PDZRN3: variants seen among roughly 807,000 people sequenced by gnomAD.
PDZRN3 encodes PDZ domain containing ring finger 3.
PDZRN3 carries 38 observed loss-of-function variants against 85.7 expected under a neutral mutation model. That is an observed-to-expected ratio of 0.44 (90% CI 0.34 to 0.58). The LOEUF is 0.58. Among genes scored for constraint, PDZRN3 ranks in the 20% least tolerant of loss-of-function variants. The pLI, the probability that PDZRN3 is intolerant of heterozygous loss-of-function variation, is 0.01. For synonymous variants in PDZRN3, 759 were observed against 638.0 expected (o/e 1.19, Z -2.86); for missense variants, 1,629 against 1,506.4 (o/e 1.08, Z -1.35).
chr3:73,513,480 T>C (rs1273114878), intron 3 of PDZRN3, among the ~76,000 whole-genome samples: 1 of 152,180 alleles, frequency 6.6e-6, no homozygotes, highest in African/African-American at 2.4e-5. Flanking sequence ...GGTTAATGAT[T>C]AACGTGCTGG....
In PDZRN3 at chr3:73,624,844, G is replaced by T; in HGVS notation, c.-19C>A. 7.8e-7 allele frequency: 1 copy of T among 1,279,102 alleles called. No homozygotes were observed. The highest frequency in any genetic ancestry group is 2.8e-5 in the South Asian group (1 of 36,096). 79.2% of individuals were successfully genotyped at this position (1,279,102 alleles called of 1,614,324 possible). On this transcript the variant is annotated 5_prime_UTR_variant, in exon 1 of 10. Transcript: ENST00000263666. ...AGCCCATGGTGGCGGCCAGGCCCCG[G>T]GGTCGCCGCCGGGCGGCCGGGCGCC...
At chr3:73,386,038 TC>T (rs1430742211) in intron 8 of PDZRN3, among the ~76,000 whole-genome samples, 3 of 151,706 alleles carry the variant, frequency 2.0e-5, no homozygotes, top group African/African-American at 7.3e-5. Flanking sequence ...AGGGTGAAAC[TC>T]TTTCATCCAT....
In PDZRN3 at chr3:73,528,172, C is replaced by T. The variant is rs145853040; in HGVS notation, c.918+74182G>A. ...CTGACGTGGTTGCCTTGGATCTCTC[C>T]TCCTTAGACCTGCCTGGGATGCAGG... is the stretch of plus-strand genomic sequence containing the variant. On this transcript the variant is annotated intron_variant, in intron 3 of 9. Transcript: ENST00000263666. Among the ~76,000 whole-genome samples the T allele has an allele frequency of 1.4e-4, 22 of 152,296 alleles. No homozygotes were observed. In the East Asian group the frequency reaches 4.1e-3, roughly 28 times the overall value.
At chr3:73,528,562 T>C (rs1322213492) in intron 3 of PDZRN3, among the ~76,000 whole-genome samples, 1 of 152,116 alleles carries the variant, frequency 6.6e-6, no homozygotes, top group Non-Finnish European at 1.5e-5. Flanking sequence ...TACGAAGTAA[T>C]AAGGATGATC....
intron 3 of PDZRN3, among the ~76,000 whole-genome samples, chr3:73,514,066 G>A (rs1373279985): frequency 6.6e-6 from 1 of 152,168 alleles, no homozygotes; most frequent in East Asian, 1.9e-4. Flanking sequence ...TAATGCAAAT[G>A]TAAAATTACC....
At chr3:73,521,710 C>G (rs528229338) in intron 3 of PDZRN3, among the ~76,000 whole-genome samples, 3 of 152,144 alleles carry the variant, frequency 2.0e-5, no homozygotes, top group Non-Finnish European at 4.4e-5. Flanking sequence ...TTTACCTCTT[C>G]CACCCTGCAA....
At chr3:73,501,105 G>A (rs776048200) in intron 3 of PDZRN3, among the ~76,000 whole-genome samples, 1 of 152,154 alleles carries the variant, frequency 6.6e-6, no homozygotes, top group African/African-American at 2.4e-5. Context: ...TCTTTGCACA[G>A]CTTATCATTA....
At chr3:73,498,832 C>T (rs1177286086) in intron 3 of PDZRN3, among the ~76,000 whole-genome samples, 2 of 152,180 alleles carry the variant, frequency 1.3e-5, no homozygotes, top group Non-Finnish European at 1.5e-5. Context: ...ATCCACCTGC[C>T]TCAGCCTCCC....
At position 73,535,396 on chromosome 3, in the gene PDZRN3, T is replaced by C. The variant is rs139725302; in HGVS notation, c.918+66958A>G. Among the ~76,000 whole-genome samples the C allele has an allele frequency of 1.0e-3, 154 of 152,164 alleles. 1 individual carries two copies. The highest frequency in any genetic ancestry group is 3.4e-3 in the Middle Eastern group (1 of 294). On this transcript the variant is annotated intron_variant, in intron 3 of 9. Transcript: ENST00000263666. Reference sequence around the variant, plus strand: ...TAAGGACTTGGAAATGCCCTCACAGTATCCAAGGATTCCTCTCTCTACACC... The same window carrying C: ...TAAGGACTTGGAAATGCCCTCACAGCATCCAAGGATTCCTCTCTCTACACC...
At chr3:73,405,572 ATGGCTGCAGAAG>A (rs1157700982) in intron 3 of PDZRN3, among the ~76,000 whole-genome samples, 3 of 152,226 alleles carry the variant, frequency 2.0e-5, no homozygotes, top group Non-Finnish European at 4.4e-5. Flanking sequence ...CATAGGACAC[ATGGCTGCAGAAG>A]TTGCTCAGCT....
intron 8 of PDZRN3, 113 bp downstream of exon 8, chr3:73,387,855 G>A (rs974222557): frequency 6.5e-6 from 4 of 611,632 alleles, no homozygotes; most frequent in Non-Finnish European, 1.2e-5. Flanking sequence ...ACATTTCCAG[G>A]GAACAAAGCA....
intron 3 of PDZRN3, among the ~76,000 whole-genome samples, chr3:73,511,280 G>A (rs1322742448): frequency 1.3e-5 from 2 of 152,010 alleles, no homozygotes; most frequent in Non-Finnish European, 1.5e-5. Flanking sequence ...GAAGGCTCCC[G>A]CCAACCCAAA....
chr3:73,385,406 G>C (rs372800734), intron 9 of PDZRN3, among the ~76,000 whole-genome samples: 4 of 152,182 alleles, frequency 2.6e-5, no homozygotes, highest in Non-Finnish European at 5.9e-5. Flanking sequence ...TAATGCCAAC[G>C]CATATGTTTT....
chr3:73,596,378 A>AACC (rs1702430623), intron 3 of PDZRN3, among the ~76,000 whole-genome samples: 2 of 152,228 alleles, frequency 1.3e-5, no homozygotes, highest in Non-Finnish European at 2.9e-5. Flanking sequence ...AATGGATGAT[A>AACC]AAACCAGTGT....
In PDZRN3 at chr3:73,416,876, G is replaced by GTTTTTTTTTTTTTTTTT. The variant is rs146381615; in HGVS notation, c.919-12498_919-12482dup. Among the ~76,000 whole-genome samples the GTTTTTTTTTTTTTTTTT allele has an allele frequency of 2.8e-4, 31 of 110,394 alleles. 3 individuals carry two copies. The highest frequency in any genetic ancestry group is 4.6e-4 in the Non-Finnish European group (25 of 54,924). 72.4% of individuals were successfully genotyped at this position (110,394 alleles called of 152,430 possible). A position where few individuals can be genotyped will look rare whatever the true frequency, so the allele number is the denominator to read the frequency against. ...TTTTTTTTTTGTTTGTTTTTTTTTG[G>GTTTTTTTTTTTTTTTTT]TTTTTTTTTTTTTTTTTTTTTTTTT... On this transcript the variant is annotated intron_variant, in intron 3 of 9. Coordinates refer to ENST00000263666, the MANE Select transcript of PDZRN3 (RefSeq NM_015009.3).
In PDZRN3 at chr3:73,624,433, G is replaced by A. The variant is rs1252024924; in HGVS notation, c.393C>T (p.Arg131=). The part of the protein sequence containing the change: ...LLRRDVEAHM[R]DACDARPVGR... ...CCACTGGCCGCGCGTCGCAGGCGTC[G>A]CGCATGTGCGCCTCCACGTCGCGCC... is the stretch of plus-strand genomic sequence containing the variant. The change falls in exon 1 of 10, where the codon CGC becomes CGT. Residue 131 remains arginine (R), a synonymous_variant. Coordinates refer to ENST00000263666, the MANE Select transcript of PDZRN3 (RefSeq NM_015009.3). 1.5e-6 allele frequency: 2 copies of A among 1,323,838 alleles called. No individual in the cohort carries two copies. Among genetic ancestry groups the A allele is most frequent in the Admixed American group, 4.1e-5 (1 of 24,144 alleles). 82.0% of individuals were successfully genotyped at this position (1,323,838 alleles called of 1,614,324 possible).
intron 1 of PDZRN3, among the ~76,000 whole-genome samples, chr3:73,619,817 A>C (rs1702825236): frequency 6.6e-6 from 1 of 152,230 alleles, no homozygotes; most frequent in Non-Finnish European, 1.5e-5. Context: ...GTGATAAAAG[A>C]TACACATTTA....
rs146381615 is a variant in PDZRN3, at chr3:73,416,876, GTTTTTTTTTTTTTTT to G, written c.919-12496_919-12482del. On this transcript the variant is annotated intron_variant, in intron 3 of 9. Transcript: ENST00000263666. ...TTTTTTTTTTGTTTGTTTTTTTTTG[GTTTTTTTTTTTTTTT>G]TTTTTTTTTTTTTTTTTTGAGACAG... Among the ~76,000 whole-genome samples, 18 of 110,400 alleles carry G rather than the reference GTTTTTTTTTTTTTTT, an allele frequency of 1.6e-4. 1 individual carries two copies. The highest frequency in any genetic ancestry group is 5.9e-4 in the African/African-American group (17 of 28,576). The allele number at this position is 110,400 out of a possible 152,430, so 72.4% of individuals were successfully genotyped here. A position where few individuals can be genotyped will look rare whatever the true frequency, so the allele number is the denominator to read the frequency against.
Position 73,553,576 on chromosome 3 carries a change from TA to T in PDZRN3, c.918+48777del, listed in dbSNP as rs5850118. Among the ~76,000 whole-genome samples the T allele has an allele frequency of 6.4e-3, 879 of 136,626 alleles. 4 individuals carry two copies. The highest frequency in any genetic ancestry group is 0.011 in the Middle Eastern group (3 of 268). The allele number at this position is 136,626 out of a possible 152,430, so 89.6% of individuals were successfully genotyped here. A position where few individuals can be genotyped will look rare whatever the true frequency, so the allele number is the denominator to read the frequency against. On this transcript the variant is annotated intron_variant, in intron 3 of 9. Coordinates refer to ENST00000263666, the MANE Select transcript of PDZRN3 (RefSeq NM_015009.3). ...GGGTGTGACAGAGTAAGACTCCATC[TA>T]AAAAAAAAAAAAAAGAACTATTATC... is the stretch of plus-strand genomic sequence containing the variant.
Sources: allele counts gnomAD v4.1 joint callset (sites outside exome capture counted in the v4.1 genomes callset), GRCh38; gene constraint gnomAD v4.1.1; transcripts MANE v1.5; gene names NCBI Gene and HGNC (gene_info 2026-07-23, HGNC 2026-07-21).